OTOF: variants seen among roughly 807,000 people sequenced by gnomAD.
OTOF encodes the protein fer-1-like family member 2.
A neutral mutation model predicts 236.8 loss-of-function variants in OTOF; 218 were observed. The ratio of observed to expected loss-of-function variants is 0.92; its 90% CI spans 0.82 to 1.03. The LOEUF is 1.03. OTOF is among the 50% of genes least tolerant of loss of function. OTOF has a pLI of 0.00. For missense variants in OTOF, 2,590 were observed against 2,694.4 expected, an observed-to-expected ratio of 0.96 and a Z score of 0.86; for synonymous variants, 1,041 against 1,072.5, an observed-to-expected ratio of 0.97 and a Z score of 0.57.
rs760109694 is a variant in OTOF at position 26,460,729 on chromosome 2, G to A, written c.5731C>T (p.Leu1911=). The part of the protein sequence containing the change: ...FELTGKVEAE[L]HLLTAEEAEK... ...GCCTCCTCTGCTGTCAGTAAATGCAGCTCAGCCTCCACCTTGCCCTGCAGA... is the reference window on the plus strand; with the variant it reads ...GCCTCCTCTGCTGTCAGTAAATGCAACTCAGCCTCCACCTTGCCCTGCAGA... Residue 1911 remains leucine (L), a synonymous_variant, in exon 45 of 47, where the codon CTG becomes TTG. Transcript: ENST00000272371. The surrounding 1 kb of genome is among the most constrained non-coding windows in gnomAD (Gnocchi z 5.3). The A allele has an allele frequency of 8.7e-6, 14 of 1,613,934 alleles. No individual in the cohort carries two copies. Among genetic ancestry groups the A allele is most frequent in the Non-Finnish European group, 1.0e-5 (12 of 1,179,990 alleles).
chr2:26,523,856 G>A (rs1666738550), intron 3 of OTOF, among the ~76,000 whole-genome samples: 1 of 152,234 alleles, frequency 6.6e-6, no homozygotes, highest in African/African-American at 2.4e-5. Flanking sequence ...GGGGGTTGAG[G>A]GCAGTGGCCT....
In OTOF at chr2:26,465,750, C is replaced by G; in HGVS notation, c.4721G>C (p.Gly1574Ala). 1 of 1,614,224 alleles carries G rather than the reference C, an allele frequency of 6.2e-7. No individual in the cohort carries two copies. The highest frequency in any genetic ancestry group is 8.5e-7 in the Non-Finnish European group (1 of 1,180,036). ...GTTCTCCAGGTCGATCTTGGTTTCCCCAATGAGGTCATCAGTGCCCACCAG... is the reference window on the plus strand; with the variant it reads ...GTTCTCCAGGTCGATCTTGGTTTCCGCAATGAGGTCATCAGTGCCCACCAG... ...WDLVGTDDLI[G>A]ETKIDLENRF... Residue 1574 changes from glycine (G) to alanine (A), a missense_variant, in exon 38 of 47, where the codon GGG becomes GCG. Coordinates refer to ENST00000272371, the MANE Select transcript of OTOF (RefSeq NM_194248.3).
chr2:26,482,690 C>T (rs1334298188), intron 13 of OTOF, 98 bp from the exon 14 acceptor site: 11 of 916,702 alleles, frequency 1.2e-5, no homozygotes, highest in African/African-American at 5.2e-5. Context: ...TGAGTGGGCA[C>T]ATGTGTGCAT....
chr2:26,558,367 G>C lies in OTOF; in HGVS notation c.79+126C>G, dbSNP rs533444240. ...ATGACTACCTGTGAAAAGGCTCGTC[G>C]CCCCAGCCCCTGCTAGAACTTTTCC... On this transcript the variant is annotated intron_variant, in intron 1 of 46. Transcript: ENST00000272371. The C allele has an allele frequency of 6.3e-5, 51 of 814,712 alleles. No individual in the cohort carries two copies. The African/African-American group carries it at 7.6e-4, about 12-fold the overall frequency. The allele number at this position is 814,712 out of a possible 1,614,324, so 50.5% of individuals were successfully genotyped here.
chr2:26,477,323 TG>T lies in OTOF; in HGVS notation c.2407-36del. Reference sequence around the variant, plus strand: ...AGGGGGTGTCAGTGAACCCAGCAACTGGGGGACAGCTCGGGCCATGACAAAG... The same window carrying T: ...AGGGGGTGTCAGTGAACCCAGCAACTGGGGACAGCTCGGGCCATGACAAAG... On this transcript the variant is annotated intron_variant, in intron 20 of 46. Transcript: ENST00000272371. The surrounding 1 kb of genome is among the most constrained non-coding windows in gnomAD (Gnocchi z 4.7). 3.1e-6 allele frequency: 5 copies of T among 1,601,092 alleles called. No individual in the cohort carries two copies. The highest frequency in any genetic ancestry group is 3.4e-6 in the Non-Finnish European group (4 of 1,172,160).
intron 26 of OTOF, 51 bp downstream of exon 26, chr2:26,474,462 A>G (rs1375588195): frequency 3.0e-5 from 43 of 1,409,902 alleles, no homozygotes; most frequent in Admixed American, 6.5e-5. Flanking sequence ...CTAGGCCCCA[A>G]CTCCCAGCCT....
Position 26,477,896 on chromosome 2 carries a change from G to A in OTOF, c.2215-147C>T. 6.5e-7 allele frequency: 1 copy of A among 1,538,440 alleles called. No homozygotes were observed. Among genetic ancestry groups the A allele is most frequent in the African/African-American group, 1.4e-5 (1 of 72,596 alleles). Reference sequence around the variant, plus strand: ...CCATCCTGAGTATCGGTCATCATGAGGAAGTCATCAATTTCCCAGGTTCTG... The same window carrying A: ...CCATCCTGAGTATCGGTCATCATGAAGAAGTCATCAATTTCCCAGGTTCTG... On this transcript the variant is annotated intron_variant, in intron 18 of 46. Transcript: ENST00000272371. The surrounding 1 kb of genome is among the most constrained non-coding windows in gnomAD (Gnocchi z 4.7).
chr2:26,532,308 A>C (rs1666970339), intron 2 of OTOF, among the ~76,000 whole-genome samples: 1 of 152,030 alleles, frequency 6.6e-6, no homozygotes, highest in African/African-American at 2.4e-5. Context: ...ATTCAAACTC[A>C]AGTCTCAGGA....
intron 22 of OTOF, among the ~76,000 whole-genome samples, chr2:26,476,527 T>G (rs1572428024): frequency 5.1e-5 from 1 of 19,466 alleles, no homozygotes; most frequent in East Asian, 1.4e-3. Flanking sequence ...TCCCCACCCC[T>G]TCCCCCACCT....
intron 8 of OTOF, 51 bp from the exon 9 acceptor site, chr2:26,495,124 G>C: frequency 6.2e-7 from 1 of 1,609,570 alleles, no homozygotes; most frequent in Admixed American, 1.7e-5. Flanking sequence ...GAGCCTAGGA[G>C]CCTGGTCCCG....
In OTOF at chr2:26,478,119, A is replaced by G. The variant is rs1040508584; in HGVS notation, c.2215-370T>C. 8.7e-6 allele frequency: 10 copies of G among 1,145,672 alleles called. No individual in the cohort carries two copies. In the South Asian group the frequency reaches 2.0e-4, roughly 23 times the overall value. The allele number at this position is 1,145,672 out of a possible 1,614,324, so 71.0% of individuals were successfully genotyped here. ...TGCCAAGATCCTGACGTCACTCCAG[A>G]ATGCTGGAGCCTGTGGCAGGGGATG... On this transcript the variant is annotated intron_variant, in intron 18 of 46. Transcript: ENST00000272371.
intron 6 of OTOF, 68 bp downstream of exon 6, chr2:26,503,704 G>A (rs904816410): frequency 4.9e-6 from 7 of 1,415,056 alleles, no homozygotes; most frequent in Non-Finnish European, 7.0e-6. Context: ...AGCCGGGCAG[G>A]GGCTGGAAAG....
At chr2:26,545,735 G>A (rs1346786210) in intron 1 of OTOF, among the ~76,000 whole-genome samples, 2 of 152,086 alleles carry the variant, frequency 1.3e-5, no homozygotes, top group Non-Finnish European at 2.9e-5. Context: ...GTATGAGGTA[G>A]GAGTTTGAAG....
intron 1 of OTOF, among the ~76,000 whole-genome samples, chr2:26,551,504 C>G (rs952909645): frequency 1.3e-5 from 2 of 152,178 alleles, no homozygotes; most frequent in South Asian, 2.1e-4. Flanking sequence ...GGCTTCCCCC[C>G]ATCCTGGGCT....
rs116430826 is a variant in OTOF at position 26,556,520 on chromosome 2, G to A, written c.79+1973C>T. ...TCCTGCCAATGTGGAGCTTGGAAGC[G>A]ATTTCTCCACTCAGTCCAGAGAGCA... On this transcript the variant is annotated intron_variant, in intron 1 of 46. Transcript: ENST00000272371. Among the ~76,000 whole-genome samples, 515 of 152,224 alleles carry A rather than the reference G, an allele frequency of 3.4e-3. 4 individuals are homozygous for A. Among genetic ancestry groups the A allele is most frequent in the Non-Finnish European group, 5.3e-3 (360 of 68,008 alleles).
chr2:26,484,588 T>A lies in OTOF; in HGVS notation c.1091A>T (p.Asp364Val), dbSNP rs1368688049. ...HKWAILSDPD[D>V]ISSGLKGYVK... is the part of the protein sequence containing the mutation. ...GTAGCCCTTCAGCCCCGAGGAGATG[T>A]CATCGGGGTCAGACAGGATGGCCCA... is the stretch of plus-strand genomic sequence containing the variant. Residue 364 changes from aspartate (D) to valine (V), a missense_variant, in exon 12 of 47, where the codon GAC becomes GTC. Physicochemically the swap from Asp to Val is radical, Grantham distance 152. This residue lies in a region of OTOF where 1,379 missense variants were observed against 1,341.6 expected (regional missense o/e 1.03). Coordinates refer to ENST00000272371, the MANE Select transcript of OTOF (RefSeq NM_194248.3). The A allele has an allele frequency of 1.2e-6, 2 of 1,613,834 alleles. No homozygotes were observed. The highest frequency in any genetic ancestry group is 1.7e-6 in the Non-Finnish European group (2 of 1,179,966).
Position 26,457,720 on chromosome 2 carries a change from T to G in OTOF, c.*518A>C. ...CTGTACTTGGAAGACCTGGGGAGGG[T>G]TTCAGGAGTCTTCCTCTGGAGCCTG... On this transcript the variant is annotated 3_prime_UTR_variant, in exon 47 of 47. Transcript: ENST00000272371. The surrounding 1 kb of genome is among the most constrained non-coding windows in gnomAD (Gnocchi z 4.4). 1 of 369,052 alleles carries G rather than the reference T, an allele frequency of 2.7e-6. No individual in the cohort carries two copies. The allele number at this position is 369,052 out of a possible 1,614,324, so 22.9% of individuals were successfully genotyped here.
chr2:26,518,896 A>G, intron 4 of OTOF, 114 bp downstream of exon 4: 1 of 777,120 alleles, frequency 1.3e-6, no homozygotes, highest in Admixed American at 2.0e-5. Context: ...CTCCTGCGAC[A>G]CCTCGCCATG....
chr2:26,546,330 G>A (rs1381144320), intron 1 of OTOF, among the ~76,000 whole-genome samples: 1 of 151,998 alleles, frequency 6.6e-6, no homozygotes, highest in Non-Finnish European at 1.5e-5. Context: ...GAGTGATGGT[G>A]CATGCCTGTA....
Sources: allele counts gnomAD v4.1 joint callset (sites outside exome capture counted in the v4.1 genomes callset), GRCh38; gene constraint gnomAD v4.1.1; regional missense constraint gnomAD v4.1.1; non-coding constraint Gnocchi (gnomAD v3.1); transcripts MANE v1.5; gene names NCBI Gene and HGNC (gene_info 2026-07-23, HGNC 2026-07-21).